The following TRABD2B variants were observed in gnomAD, a reference collection of about 807,000 sequenced individuals.
TRABD2B encodes metalloprotease TIKI2.
In TRABD2B, 14 loss-of-function variants were observed where a neutral mutation model predicts 40.1. The observed-to-expected ratio is 0.35, with a 90% CI of 0.23 to 0.55. The LOEUF is 0.55. TRABD2B is among the 20% of genes least tolerant of loss of function. The pLI, the probability that TRABD2B is intolerant of heterozygous loss-of-function variation, is 0.90. For synonymous variants in TRABD2B, 263 were observed against 277.0 expected, an observed-to-expected ratio of 0.95 and a Z score of 0.50; for missense variants, 541 against 648.6, an observed-to-expected ratio of 0.83 and a Z score of 1.80.
chr1:47,954,308 C>A (rs940221531), intron 2 of TRABD2B, among the ~76,000 whole-genome samples: 6 of 152,170 alleles, frequency 3.9e-5, no homozygotes, highest in Admixed American at 1.3e-4. Context: ...TCCAGGCCTC[C>A]GTTTACCCCA....
At chr1:47,787,486 C>T (rs764184215) in intron 4 of TRABD2B, among the ~76,000 whole-genome samples, 47 of 152,148 alleles carry the variant, frequency 3.1e-4, no homozygotes, top group Non-Finnish European at 5.3e-4. Context: ...TGGCTTTTCC[C>T]TACCTAATCA....
intron 2 of TRABD2B, among the ~76,000 whole-genome samples, chr1:47,803,223 T>C (rs1388440971): frequency 6.6e-6 from 1 of 152,220 alleles, no homozygotes; most frequent in Non-Finnish European, 1.5e-5. Flanking sequence ...GACTGATAGA[T>C]TAATGGCCCT....
chr1:47,782,385 C>CT (rs1259990746), intron 4 of TRABD2B, among the ~76,000 whole-genome samples: 1 of 152,196 alleles, frequency 6.6e-6, no homozygotes, highest in Non-Finnish European at 1.5e-5. Flanking sequence ...CTTGCTCTCT[C>CT]TAGTTCACAC....
intron 2 of TRABD2B, among the ~76,000 whole-genome samples, chr1:47,951,571 G>A (rs6657191): frequency 0.25 from 38,198 of 152,060 alleles, 4,823 homozygotes; most frequent in Admixed American, 0.28. Flanking sequence ...AGGCTGCTGC[G>A]GCCTGAGGAA....
At chr1:47,876,091 A>G (rs1215866855) in intron 2 of TRABD2B, among the ~76,000 whole-genome samples, 1 of 152,202 alleles carries the variant, frequency 6.6e-6, no homozygotes, top group Non-Finnish European at 1.5e-5. Context: ...GCCTCCCAGA[A>G]GGTCCACTCC....
In TRABD2B at chr1:47,926,909, T is replaced by G. The variant is rs150676887; in HGVS notation, c.666+67125A>C. Among the ~76,000 whole-genome samples, 104 of 152,322 alleles carry G rather than the reference T, an allele frequency of 6.8e-4. 1 individual carries two copies. The highest frequency in any genetic ancestry group is 2.5e-3 in the African/African-American group (102 of 41,576). On this transcript the variant is annotated intron_variant, in intron 2 of 6. Coordinates refer to ENST00000606738, the MANE Select transcript of TRABD2B (RefSeq NM_001194986.2). ...TCAGCTGAAGGATGCAGGTTCAGTA[T>G]ACATCCTAGTTCCCAGGTTCAAGAA... is the stretch of plus-strand genomic sequence containing the variant.
chr1:47,790,128 A>G (rs1644651207), intron 4 of TRABD2B, among the ~76,000 whole-genome samples: 1 of 152,222 alleles, frequency 6.6e-6, no homozygotes, highest in Admixed American at 6.5e-5. Context: ...TGTAAATTGA[A>G]TAAATTTAGC....
chr1:47,931,760 A>T (rs1645043164), intron 2 of TRABD2B, among the ~76,000 whole-genome samples: 2 of 152,184 alleles, frequency 1.3e-5, no homozygotes, highest in Admixed American at 6.5e-5. Flanking sequence ...AAAATGGCCC[A>T]GCTGCTCCCT....
At chr1:47,987,857 G>A (rs893755738) in intron 2 of TRABD2B, among the ~76,000 whole-genome samples, 3 of 152,184 alleles carry the variant, frequency 2.0e-5, no homozygotes, top group African/African-American at 7.2e-5. Context: ...TGAAGGTCGC[G>A]CCAGAAGAAG....
intron 2 of TRABD2B, among the ~76,000 whole-genome samples, chr1:47,824,133 T>C (rs917313660): frequency 6.6e-6 from 1 of 152,160 alleles, no homozygotes; most frequent in African/African-American, 2.4e-5. Context: ...TCCTATCTAC[T>C]GCACAGGGTT....
chr1:47,995,022 G>C (rs1170988658), intron 1 of TRABD2B, among the ~76,000 whole-genome samples: 4 of 152,178 alleles, frequency 2.6e-5, no homozygotes, highest in Admixed American at 2.6e-4. Flanking sequence ...TTCATGCTTG[G>C]CCAAGTCAAA....
intron 2 of TRABD2B, among the ~76,000 whole-genome samples, chr1:47,914,946 C>G (rs1478864010): frequency 6.6e-6 from 1 of 152,222 alleles, no homozygotes; most frequent in Non-Finnish European, 1.5e-5. Flanking sequence ...GGTTAGATGT[C>G]CCTGCCTTGC....
At chr1:47,780,814 C>T (rs771241489) in intron 4 of TRABD2B, among the ~76,000 whole-genome samples, 2 of 152,210 alleles carry the variant, frequency 1.3e-5, no homozygotes, top group African/African-American at 4.8e-5. Context: ...CAGGCCCTTC[C>T]GGAGCTCTGG....
At chr1:47,856,827 T>TGATG (rs1442029953) in intron 2 of TRABD2B, among the ~76,000 whole-genome samples, 2 of 152,216 alleles carry the variant, frequency 1.3e-5, no homozygotes, top group African/African-American at 4.8e-5. Context: ...TCTTGATAAA[T>TGATG]GATGAGGCCT....
chr1:47,899,049 G>C (rs920559422), intron 2 of TRABD2B, among the ~76,000 whole-genome samples: 1 of 152,194 alleles, frequency 6.6e-6, no homozygotes, highest in African/African-American at 2.4e-5. Flanking sequence ...TCCTCAGCAA[G>C]TGCCCACTGA....
At chr1:47,817,531 A>G (rs546770696) in intron 2 of TRABD2B, among the ~76,000 whole-genome samples, 71 of 152,194 alleles carry the variant, frequency 4.7e-4, no homozygotes, top group African/African-American at 1.7e-3. Flanking sequence ...GTGTAGTGAC[A>G]GGGAGCTCAT....
At chr1:47,923,768 A>G (rs1466940003) in intron 2 of TRABD2B, among the ~76,000 whole-genome samples, 2 of 152,120 alleles carry the variant, frequency 1.3e-5, no homozygotes, top group African/African-American at 4.8e-5. Context: ...GGGAGAGGGA[A>G]TTCTGCCAGC....
chr1:47,970,272 T>C (rs558826065), intron 2 of TRABD2B, among the ~76,000 whole-genome samples: 23 of 152,062 alleles, frequency 1.5e-4, no homozygotes, highest in African/African-American at 4.8e-4. Context: ...CAAAACACAG[T>C]AGCTTTTCAA....
chr1:47,952,455 C>A (rs1645359034), intron 2 of TRABD2B, among the ~76,000 whole-genome samples: 1 of 152,174 alleles, frequency 6.6e-6, no homozygotes, highest in African/African-American at 2.4e-5. Context: ...CCCACAATGG[C>A]CACAAACAGA....
Sources: allele counts gnomAD v4.1 joint callset (sites outside exome capture counted in the v4.1 genomes callset), GRCh38; gene constraint gnomAD v4.1.1; transcripts MANE v1.5; gene names NCBI Gene and HGNC (gene_info 2026-07-23, HGNC 2026-07-21).